Variants in TSPAN11 observed in about 807,000 individuals in gnomAD.
The protein encoded by TSPAN11 is tetraspanin 11, also known as tetraspanin-11.
In TSPAN11, 29 loss-of-function variants were observed where a neutral mutation model predicts 32.9. The ratio of observed to expected loss-of-function variants is 0.88; its 90% CI spans 0.66 to 1.20. The LOEUF (loss-of-function observed/expected upper bound fraction) is 1.20, where lower values mean the gene tolerates loss of function less well. Ranked by LOEUF, TSPAN11 falls within the 50% of genes most tolerant of loss-of-function variation. The pLI, the probability that TSPAN11 is intolerant of heterozygous loss-of-function variation, is 0.00. For missense variants in TSPAN11, 283 were observed against 329.1 expected (o/e 0.86, Z 1.08); for synonymous variants, 140 against 141.3 (o/e 0.99, Z 0.07).
chr12:30,973,347 G>A (rs1355687058), intron 3 of TSPAN11, among the ~76,000 whole-genome samples: 1 of 152,208 alleles, frequency 6.6e-6, no homozygotes, highest in South Asian at 2.1e-4. Context: ...CTTGCAAGGG[G>A]GGCTGGCACC....
Position 30,947,899 on chromosome 12 carries a change from C to T in TSPAN11, c.-11-6082C>T, listed in dbSNP as rs7135190. On this transcript the variant is annotated intron_variant, in intron 1 of 7. Transcript: ENST00000546076. ...AAGTCTCATCTGAGACAAGGCAAGTCCCTTCCGCCTATGAGCCTGTAAAAT... is the reference window on the plus strand; with the variant it reads ...AAGTCTCATCTGAGACAAGGCAAGTTCCTTCCGCCTATGAGCCTGTAAAAT... Among the ~76,000 whole-genome samples the T allele has an allele frequency of 7.5e-3, 1,143 of 152,264 alleles. 14 individuals are homozygous for T. Among genetic ancestry groups the T allele is most frequent in the African/African-American group, 0.026 (1,091 of 41,524 alleles).
chr12:30,976,643 G>A (rs1053049042), intron 3 of TSPAN11, among the ~76,000 whole-genome samples: 16 of 152,172 alleles, frequency 1.1e-4, no homozygotes, highest in Non-Finnish European at 2.1e-4. Flanking sequence ...TGGAAAGTCC[G>A]TAGGGCAGAG....
intron 1 of TSPAN11, among the ~76,000 whole-genome samples, chr12:30,940,689 C>T (rs1938142482): frequency 6.6e-6 from 1 of 152,156 alleles, no homozygotes; most frequent in African/African-American, 2.4e-5. Context: ...TCTTCTGTAA[C>T]ATGCGGACAA....
At chr12:30,953,469 A>G (rs1186086388) in intron 1 of TSPAN11, among the ~76,000 whole-genome samples, 1 of 152,072 alleles carries the variant, frequency 6.6e-6, no homozygotes, top group Non-Finnish European at 1.5e-5. Flanking sequence ...TGAAAAGTCA[A>G]GCTGCAGCGG....
chr12:30,931,234 T>A (rs1023378042), intron 1 of TSPAN11, among the ~76,000 whole-genome samples: 3 of 152,176 alleles, frequency 2.0e-5, no homozygotes, highest in African/African-American at 7.2e-5. Flanking sequence ...TTAAAAAGAT[T>A]AATAATCAAA....
chr12:30,945,391 A>G (rs1190804513), intron 1 of TSPAN11, among the ~76,000 whole-genome samples: 2 of 152,090 alleles, frequency 1.3e-5, no homozygotes, highest in Non-Finnish European at 2.9e-5. Context: ...GACTCCATAC[A>G]TGTTTGAGTG....
chr12:31,008,981 G>A, the TSPAN11 span, among the ~76,000 whole-genome samples: 5 of 152,152 alleles, frequency 3.3e-5, no homozygotes, highest in Admixed American at 2.0e-4. Context: ...GGTAAGCCAG[G>A]CTTTCAGCAA....
chr12:30,931,410 A>G (rs552755889), intron 1 of TSPAN11, among the ~76,000 whole-genome samples: 1 of 152,318 alleles, frequency 6.6e-6, no homozygotes, highest in Non-Finnish European at 1.5e-5. Context: ...GTTAGCAAAC[A>G]TTTAATCACA....
At chr12:30,951,195 A>C (rs1444572595) in intron 1 of TSPAN11, among the ~76,000 whole-genome samples, 1 of 152,224 alleles carries the variant, frequency 6.6e-6, no homozygotes, top group Non-Finnish European at 1.5e-5. Flanking sequence ...ACATATATCA[A>C]AAAATGATCC....
chr12:30,973,174 C>T (rs776963508), intron 3 of TSPAN11, among the ~76,000 whole-genome samples: 6 of 152,194 alleles, frequency 3.9e-5, no homozygotes, highest in Admixed American at 2.0e-4. Context: ...TTCTGTTCCT[C>T]GCTCACCACG....
intron 1 of TSPAN11, among the ~76,000 whole-genome samples, chr12:30,945,746 G>A (rs969045660): frequency 6.6e-6 from 1 of 152,056 alleles, no homozygotes; most frequent in Non-Finnish European, 1.5e-5. Context: ...TTACACATCC[G>A]GCCCTGAAGA....
In TSPAN11 at chr12:30,991,963, C is replaced by T. The variant is rs757013045; in HGVS notation, c.*48C>T. 4.4e-6 allele frequency: 7 copies of T among 1,605,746 alleles called. No individual in the cohort carries two copies. In the Admixed American group the frequency reaches 1.2e-4, roughly 27 times the overall value. On this transcript the variant is annotated 3_prime_UTR_variant, in exon 8 of 8. Coordinates refer to ENST00000546076, the MANE Select transcript of TSPAN11 (RefSeq NM_001370302.1). ...ACTGCCCCTCAAGACAACATGTGGCCACATGCCATCTGCAAGGCCTGCAGA... is the reference window on the plus strand; with the variant it reads ...ACTGCCCCTCAAGACAACATGTGGCTACATGCCATCTGCAAGGCCTGCAGA...
intron 2 of TSPAN11, among the ~76,000 whole-genome samples, chr12:30,963,607 A>T (rs1938658986): frequency 6.6e-6 from 1 of 152,204 alleles, no homozygotes; most frequent in East Asian, 1.9e-4. Context: ...CTGGATTCAA[A>T]ACCTGGCTCT....
chr12:30,960,615 C>G lies in TSPAN11; in HGVS notation c.85-3211C>G, dbSNP rs79798965. Among the ~76,000 whole-genome samples, 4 of 152,030 alleles carry G rather than the reference C, an allele frequency of 2.6e-5. 1 individual carries two copies. Among genetic ancestry groups the G allele is most frequent in the African/African-American group, 9.7e-5 (4 of 41,268 alleles). On this transcript the variant is annotated intron_variant, in intron 2 of 7. Transcript: ENST00000546076. ...CCCCATCATGTTTCTTTCCTATGAA[C>G]ATAAAGTTCCTAAAATTACACAACA...
intron 6 of TSPAN11, 96 bp from the exon 7 acceptor site, chr12:30,982,968 C>CCTGTCCT (rs2140307214): frequency 7.4e-7 from 1 of 1,354,160 alleles, no homozygotes; most frequent in Admixed American, 2.0e-5. Flanking sequence ...AGTCCTCTGG[C>CCTGTCCT]CAGTCCTCAG....
chr12:30,928,009 G>C (rs976288176), intron 1 of TSPAN11, among the ~76,000 whole-genome samples: 3 of 152,166 alleles, frequency 2.0e-5, no homozygotes, highest in Admixed American at 2.0e-4. Context: ...GTCTGGCGAG[G>C]GCTTAGGTGG....
chr12:30,976,668 T>G (rs1166635274), intron 3 of TSPAN11, among the ~76,000 whole-genome samples: 6 of 152,156 alleles, frequency 3.9e-5, no homozygotes, highest in Non-Finnish European at 7.4e-5. Context: ...CATCCCCTTG[T>G]GGAATCTGCA....
chr12:30,971,576 C>A (rs1938851222), intron 3 of TSPAN11, among the ~76,000 whole-genome samples: 2 of 151,972 alleles, frequency 1.3e-5, no homozygotes, highest in African/African-American at 4.8e-5. Flanking sequence ...CCTATCTCTA[C>A]AAATAAATAA....
At chr12:31,007,821 T>C in the TSPAN11 span, among the ~76,000 whole-genome samples, 1 of 152,196 alleles carries the variant, frequency 6.6e-6, no homozygotes, top group Non-Finnish European at 1.5e-5. Context: ...AGGGACAACA[T>C]GTCAGTTCCA....
Sources: allele counts gnomAD v4.1 joint callset (sites outside exome capture counted in the v4.1 genomes callset), GRCh38; gene constraint gnomAD v4.1.1; transcripts MANE v1.5; gene names NCBI Gene and HGNC (gene_info 2026-07-23, HGNC 2026-07-21).